Variants in CHRNA7 observed in about 807,000 individuals in gnomAD.
CHRNA7 encodes cholinergic receptor nicotinic alpha 7 subunit, also known as neuronal acetylcholine receptor subunit alpha-7.
In CHRNA7, 17 loss-of-function variants were observed where a neutral mutation model predicts 48.0. The observed-to-expected ratio is 0.35, with a 90% CI of 0.24 to 0.53. The LOEUF is 0.53. Among genes scored for constraint, CHRNA7 ranks in the 20% least tolerant of loss-of-function variants. The pLI, the probability that CHRNA7 is intolerant of heterozygous loss-of-function variation, is 0.92. For missense variants in CHRNA7, 155 were observed against 577.7 expected, an observed-to-expected ratio of 0.27 and a Z score of 7.50; for synonymous variants, 75 against 242.3, an observed-to-expected ratio of 0.31 and a Z score of 6.41.
intron 2 of CHRNA7, among the ~76,000 whole-genome samples, chr15:32,033,081 G>T (rs1901920882): frequency 6.6e-6 from 1 of 152,188 alleles, no homozygotes; most frequent in Non-Finnish European, 1.5e-5. Flanking sequence ...GCTGTCAGCA[G>T]CCAGAGGTCA....
chr15:32,168,754 G>GTTTTTA lies in CHRNA7; in HGVS notation c.*296_*297insTTTTTA. The stretch of plus-strand genomic sequence containing the variant: ...CCCACTGCCTGGAAAGCCCTTCGGA[G>GTTTTTA]AGCTCCCCATGGCTCCTCACCACCG... On this transcript the variant is annotated 3_prime_UTR_variant, in exon 10 of 10. Coordinates refer to ENST00000306901, the MANE Select transcript of CHRNA7 (RefSeq NM_000746.6). 1 of 82,328 alleles carries GTTTTTA rather than the reference G, an allele frequency of 1.2e-5. No homozygotes were observed. Among genetic ancestry groups the GTTTTTA allele is most frequent in the Non-Finnish European group, 2.1e-5 (1 of 48,258 alleles). The allele number at this position is 82,328 out of a possible 1,614,324, so 5.1% of individuals were successfully genotyped here.
At chr15:32,138,705 C>G (rs565806874) in intron 4 of CHRNA7, among the ~76,000 whole-genome samples, 2 of 145,480 alleles carry the variant, frequency 1.4e-5, no homozygotes, top group African/African-American at 5.0e-5. Flanking sequence ...CCTCTCTCTG[C>G]AATCCATGGC....
At chr15:32,086,704 C>T (rs550430946) in intron 2 of CHRNA7, among the ~76,000 whole-genome samples, 1 of 152,176 alleles carries the variant, frequency 6.6e-6, no homozygotes, top group Non-Finnish European at 1.5e-5. Flanking sequence ...AGTTTTTCAG[C>T]CTTTCCTTGT....
intron 2 of CHRNA7, among the ~76,000 whole-genome samples, chr15:32,098,160 G>T (rs2050503613): frequency 6.6e-6 from 1 of 152,190 alleles, no homozygotes; most frequent in Non-Finnish European, 1.5e-5. Context: ...AAATCCCGAG[G>T]CAAGGAAGTT....
chr15:32,106,381 G>GT (rs956685029), intron 3 of CHRNA7, among the ~76,000 whole-genome samples: 3 of 152,054 alleles, frequency 2.0e-5, no homozygotes, highest in South Asian at 2.1e-4. Flanking sequence ...AGGCAGAAAG[G>GT]TAAAAAAAAG....
chr15:32,031,099 G>C, intron 2 of CHRNA7, 62 bp downstream of exon 2: 3 of 1,599,948 alleles, frequency 1.9e-6, no homozygotes, highest in Non-Finnish European at 2.6e-6. Flanking sequence ...GGGCTTTTTA[G>C]ACAGCGTCGG....
At chr15:32,091,065 A>G (rs1162876218) in intron 2 of CHRNA7, among the ~76,000 whole-genome samples, 3 of 152,152 alleles carry the variant, frequency 2.0e-5, no homozygotes, top group East Asian at 1.9e-4. Context: ...TTCATTTTGT[A>G]AAGCTCTTAC....
intron 3 of CHRNA7, among the ~76,000 whole-genome samples, chr15:32,105,178 A>C (rs1197582233): frequency 6.6e-6 from 1 of 152,220 alleles, no homozygotes; most frequent in Non-Finnish European, 1.5e-5. Context: ...ATTTGTTTGA[A>C]AACTCACCTT....
Position 32,030,606 on chromosome 15 carries a change from G to C in CHRNA7, c.12G>C (p.Ser4=). ...CTCCGGGACTCAACATGCGCTGCTC[G>C]CCGGGAGGCGTCTGGCTGGCGCTGG... MRC[S]PGGVWLALAA... The change falls in exon 1 of 10, where the codon TCG becomes TCC. Residue 4 remains serine (S), a synonymous_variant. Transcript: ENST00000306901. 6.4e-7 allele frequency: 1 copy of C among 1,557,530 alleles called. No individual in the cohort carries two copies. The highest frequency in any genetic ancestry group is 2.5e-5 in the East Asian group (1 of 40,320).
intron 4 of CHRNA7, among the ~76,000 whole-genome samples, chr15:32,113,974 A>G (rs2141283545): frequency 6.7e-6 from 1 of 148,446 alleles, no homozygotes; most frequent in Non-Finnish European, 1.5e-5. Flanking sequence ...CTTTGATTAT[A>G]TCACTGCTTG....
intron 2 of CHRNA7, among the ~76,000 whole-genome samples, chr15:32,086,646 A>G (rs1038219880): frequency 3.3e-5 from 5 of 152,168 alleles, no homozygotes; most frequent in Admixed American, 3.3e-4. Flanking sequence ...CCAGGAGTCC[A>G]TGTAGCATTT....
At chr15:32,114,029 T>TATATATATATGTATATATATATATATAC (rs2050810500) in intron 4 of CHRNA7, among the ~76,000 whole-genome samples, 1 of 93,332 alleles carries the variant, frequency 1.1e-5, no homozygotes, top group African/African-American at 4.1e-5. Flanking sequence ...AATATATATA[T>TATATATATATGTATATATATATATATAC]ATATATATAT....
At position 32,113,486 on chromosome 15, in the gene CHRNA7, TC is replaced by T. The variant is rs533117141; in HGVS notation, c.350+1588del. ...TATCTGACTTTTTGAGGGCAAAGGG[TC>T]AGGGTTGAAGAAGTCTCCGTGTTAA... On this transcript the variant is annotated intron_variant, in intron 4 of 9. Coordinates refer to ENST00000306901, the MANE Select transcript of CHRNA7 (RefSeq NM_000746.6). 2.4e-4 allele frequency among the ~76,000 whole-genome samples: 36 copies of T among 152,166 alleles called. 2 individuals carry two copies. In the South Asian group the frequency reaches 7.5e-3, roughly 32 times the overall value.
intron 4 of CHRNA7, among the ~76,000 whole-genome samples, chr15:32,151,116 A>G (rs933247231): frequency 1.3e-5 from 2 of 151,266 alleles, no homozygotes; most frequent in African/African-American, 2.4e-5. Context: ...TACAATTACT[A>G]CTTTTTTCCT....
chr15:32,084,623 A>T (rs897946736), intron 2 of CHRNA7, among the ~76,000 whole-genome samples: 4 of 152,228 alleles, frequency 2.6e-5, no homozygotes, highest in African/African-American at 9.6e-5. Flanking sequence ...AATAAATGTG[A>T]ATCACCAGTG....
Position 32,134,438 on chromosome 15 carries a change from G to A in CHRNA7, c.351-19469G>A, listed in dbSNP as rs74362020. 1.4e-3 allele frequency among the ~76,000 whole-genome samples: 220 copies of A among 152,244 alleles called. 1 individual carries two copies. The highest frequency in any genetic ancestry group is 4.9e-3 in the African/African-American group (202 of 41,532). ...CCTCCCAAACTCCTGGGATTCAGGC[G>A]TGAGCCACCACACCTGGCCTGCATC... On this transcript the variant is annotated intron_variant, in intron 4 of 9. Transcript: ENST00000306901.
chr15:32,083,019 C>G (rs143249655), intron 2 of CHRNA7, among the ~76,000 whole-genome samples: 119 of 152,196 alleles, frequency 7.8e-4, no homozygotes, highest in East Asian at 6.0e-3. Flanking sequence ...ACCTGTAGTC[C>G]CAGCTACTTG....
Position 32,132,915 on chromosome 15 carries a change from A to G in CHRNA7, c.351-20992A>G, listed in dbSNP as rs564814265. ...ATATTTATTCAGATTAAGGTTGGTC[A>G]ATTTCTTCACTCAATCTGAAGGAAA... On this transcript the variant is annotated intron_variant, in intron 4 of 9. Coordinates refer to ENST00000306901, the MANE Select transcript of CHRNA7 (RefSeq NM_000746.6). 5.7e-4 allele frequency among the ~76,000 whole-genome samples: 87 copies of G among 152,368 alleles called. 3 individuals are homozygous for G. The South Asian group carries it at 0.017, about 29-fold the overall frequency.
At chr15:32,140,218 C>T (rs1265866634) in intron 4 of CHRNA7, among the ~76,000 whole-genome samples, 1 of 152,094 alleles carries the variant, frequency 6.6e-6, no homozygotes, top group Non-Finnish European at 1.5e-5. Context: ...TGATGGTTTC[C>T]AGCTTCATCC....
Sources: allele counts gnomAD v4.1 joint callset (sites outside exome capture counted in the v4.1 genomes callset), GRCh38; gene constraint gnomAD v4.1.1; transcripts MANE v1.5; gene names NCBI Gene and HGNC (gene_info 2026-07-23, HGNC 2026-07-21).